The following MSH4 variants were observed in gnomAD, a reference collection of about 807,000 sequenced individuals.
The protein encoded by MSH4 is mutS homolog 4, also known as mutS protein homolog 4.
Under a neutral mutation model 113.7 loss-of-function variants are expected in MSH4, and 106 were observed. That is an observed-to-expected ratio of 0.93 (90% CI 0.80 to 1.10). The LOEUF (loss-of-function observed/expected upper bound fraction) is 1.10. Among genes scored for constraint, MSH4 ranks in the 50% least tolerant of loss-of-function variants. The probability of loss-of-function intolerance (pLI) is 0.00; values close to 1 mark genes in which losing one functional copy is unlikely to be tolerated. For missense variants in MSH4, 1,061 were observed against 1,093.7 expected, an observed-to-expected ratio of 0.97 and a Z score of 0.42; for synonymous variants, 368 against 380.2, an observed-to-expected ratio of 0.97 and a Z score of 0.37.
intron 4 of MSH4, among the ~76,000 whole-genome samples, chr1:75,813,669 C>T (rs1301317764): frequency 2.0e-5 from 3 of 151,870 alleles, no homozygotes; most frequent in Admixed American, 6.6e-5. Flanking sequence ...AGGGAAAATT[C>T]GATATTTTTA....
At chr1:75,880,219 G>A (rs1454711741) in intron 13 of MSH4, 66 bp downstream of exon 13, 2 of 829,796 alleles carry the variant, frequency 2.4e-6, no homozygotes, top group Non-Finnish European at 3.8e-6. Context: ...TGTTACAATT[G>A]TATTAGTTTA....
chr1:75,881,682 C>A (rs1651935548), intron 14 of MSH4, among the ~76,000 whole-genome samples: 1 of 151,870 alleles, frequency 6.6e-6, no homozygotes, highest in Admixed American at 6.6e-5. Flanking sequence ...TTATAAAGTT[C>A]AAATCTGAAT....
intron 8 of MSH4, among the ~76,000 whole-genome samples, chr1:75,861,681 GCCCCTACTGGGAGGTGT>G (rs1651457792): frequency 6.6e-6 from 1 of 152,188 alleles, no homozygotes; most frequent in Non-Finnish European, 1.5e-5. Flanking sequence ...GTGTCTGTTG[GCCCCTACTGGGAGGTGT>G]CTCCAAGTCA....
intron 8 of MSH4, among the ~76,000 whole-genome samples, chr1:75,855,201 C>G (rs1459726064): frequency 6.6e-6 from 1 of 152,068 alleles, no homozygotes; most frequent in Non-Finnish European, 1.5e-5. Context: ...CCACACCCAA[C>G]TAATTTTTAA....
In MSH4 at chr1:75,849,520, A is replaced by G. The variant is rs1225782495; in HGVS notation, c.1230+1244A>G. 2.0e-5 allele frequency among the ~76,000 whole-genome samples: 3 copies of G among 150,902 alleles called. No individual in the cohort carries two copies. In the Admixed American group the frequency reaches 2.0e-4, roughly 10 times the overall value. On this transcript the variant is annotated intron_variant, in intron 8 of 19. Transcript: ENST00000263187. ...TATTTGGGAAGCCTTTTTGTATTAT[A>G]AAGAAAATACTCTTAAGGTTCATTT... is the stretch of plus-strand genomic sequence containing the variant.
chr1:75,827,388 A>G lies in MSH4; in HGVS notation c.1162+4807A>G, dbSNP rs528919469. The stretch of plus-strand genomic sequence containing the variant: ...GTACCAGCCACTGTAAAAATACACC[A>G]TAATATAAACACCAACAACACAGTG... On this transcript the variant is annotated intron_variant, in intron 7 of 19. Coordinates refer to ENST00000263187, the MANE Select transcript of MSH4 (RefSeq NM_002440.4). Among the ~76,000 whole-genome samples, 6 of 152,280 alleles carry G rather than the reference A, an allele frequency of 3.9e-5. No individual in the cohort carries two copies. The East Asian group carries it at 1.2e-3, about 29-fold the overall frequency.
chr1:75,880,124 T>C lies in MSH4; in HGVS notation c.1752T>C (p.Ser584=). ...LIKMNERCQE[S]LREIYHMTYM... ...AAATGAATGAAAGATGCCAAGAATC[T>C]TTGAGAGAAATCTATCACATGACTT... is the stretch of plus-strand genomic sequence containing the variant. Residue 584 remains serine, a synonymous_variant, in exon 13 of 20, where the codon TCT becomes TCC. Transcript: ENST00000263187. The C allele has an allele frequency of 1.3e-6, 2 of 1,587,482 alleles. No individual in the cohort carries two copies. Among genetic ancestry groups the C allele is most frequent in the Non-Finnish European group, 1.7e-6 (2 of 1,161,132 alleles).
At chr1:75,878,409 C>A in intron 11 of MSH4, 91 bp downstream of exon 11, 1 of 995,572 alleles carries the variant, frequency 1.0e-6, no homozygotes, top group Non-Finnish European at 1.5e-6. Flanking sequence ...ACTAGCCATA[C>A]ATATTTTAAA....
At chr1:75,866,603 T>C (rs745962026) in intron 8 of MSH4, among the ~76,000 whole-genome samples, 9 of 152,206 alleles carry the variant, frequency 5.9e-5, no homozygotes, top group Non-Finnish European at 1.0e-4. Flanking sequence ...CAACATTTAT[T>C]ATGGCATTTT....
At chr1:75,800,697 T>C (rs936962995) in intron 1 of MSH4, among the ~76,000 whole-genome samples, 2 of 152,198 alleles carry the variant, frequency 1.3e-5, no homozygotes, top group Admixed American at 1.3e-4. Flanking sequence ...GACAAGCTGG[T>C]ACAATTAACC....
At chr1:75,827,192 C>G (rs1650573008) in intron 7 of MSH4, among the ~76,000 whole-genome samples, 1 of 152,096 alleles carries the variant, frequency 6.6e-6, no homozygotes, top group Non-Finnish European at 1.5e-5. Flanking sequence ...ATTCAATATT[C>G]TTAAAGAAAA....
At chr1:75,893,028 G>A (rs986284687) in intron 17 of MSH4, among the ~76,000 whole-genome samples, 1 of 152,134 alleles carries the variant, frequency 6.6e-6, no homozygotes, top group African/African-American at 2.4e-5. Context: ...GAAACCACAG[G>A]TGTTTTCCAA....
At chr1:75,804,329 G>A (rs1179075239) in intron 2 of MSH4, among the ~76,000 whole-genome samples, 2 of 151,740 alleles carry the variant, frequency 1.3e-5, no homozygotes, top group Non-Finnish European at 2.9e-5. Context: ...AGTTTTCTAA[G>A]GTATATACAA....
intron 7 of MSH4, among the ~76,000 whole-genome samples, chr1:75,843,868 A>G (rs932020082): frequency 2.0e-5 from 3 of 151,864 alleles, no homozygotes; most frequent in Non-Finnish European, 4.4e-5. Context: ...CTGGAATGCA[A>G]TGGAGTGATC....
chr1:75,893,019 A>G (rs953589820), intron 17 of MSH4, among the ~76,000 whole-genome samples: 1 of 152,186 alleles, frequency 6.6e-6, no homozygotes, highest in Admixed American at 6.5e-5. Flanking sequence ...CCCTAGCTAG[A>G]AACCACAGGT....
intron 9 of MSH4, among the ~76,000 whole-genome samples, chr1:75,872,697 T>A (rs1651741198): frequency 6.6e-6 from 1 of 152,230 alleles, no homozygotes; most frequent in Middle Eastern, 3.2e-3. Context: ...GTGAAGATGT[T>A]ATCACAATGA....
At position 75,906,535 on chromosome 1, in the gene MSH4, A is replaced by T. The variant is rs11806226; in HGVS notation, c.2620-6161A>T. Among the ~76,000 whole-genome samples, 55 of 59,110 alleles carry T rather than the reference A, an allele frequency of 9.3e-4. 1 individual carries two copies. Among genetic ancestry groups the T allele is most frequent in the African/African-American group, 4.8e-3 (53 of 11,100 alleles). The allele number at this position is 59,110 out of a possible 152,430, so 38.8% of individuals were successfully genotyped here. A position where few individuals can be genotyped will look rare whatever the true frequency, so the allele number is the denominator to read the frequency against. On this transcript the variant is annotated intron_variant, in intron 19 of 19. Transcript: ENST00000263187. ...ATATAATATGTATATATTATATATA[A>T]TATATATAATATATAATATATTATA...
At chr1:75,907,181 A>T (rs976164944) in intron 19 of MSH4, among the ~76,000 whole-genome samples, 2 of 152,070 alleles carry the variant, frequency 1.3e-5, no homozygotes, top group Non-Finnish European at 2.9e-5. Flanking sequence ...CATTTCTTAT[A>T]ATATGGGTCT....
At chr1:75,865,046 A>G (rs759481941) in intron 8 of MSH4, among the ~76,000 whole-genome samples, 9 of 151,994 alleles carry the variant, frequency 5.9e-5, no homozygotes, top group Non-Finnish European at 1.3e-4. Context: ...ACTCTATTCC[A>G]TCTCTCAGAT....
Sources: gnomAD v4.1 joint callset for allele counts (sites outside exome capture counted in the v4.1 genomes callset) on GRCh38, gnomAD v4.1.1 for gene constraint, MANE v1.5 for transcripts, NCBI Gene and HGNC (gene_info 2026-07-23, HGNC 2026-07-21) for gene names.